Variants in AMBRA1 observed in about 807,000 individuals in gnomAD.
AMBRA1 encodes autophagy and beclin 1 regulator 1, also known as activating molecule in BECN1-regulated autophagy protein 1.
AMBRA1 carries 47 observed loss-of-function variants against 125.4 expected under a neutral mutation model. The observed-to-expected ratio is 0.37, with a 90% CI of 0.30 to 0.48. The LOEUF is 0.48. Ranked by LOEUF, AMBRA1 falls within the 20% of genes least tolerant of loss-of-function variation. AMBRA1 has a pLI of 0.99. For synonymous variants in AMBRA1, 626 were observed against 655.5 expected (o/e 0.95, Z 0.69); for missense variants, 1,331 against 1,693.4 (o/e 0.79, Z 3.76).
At chr11:46,408,475 T>C in intron 17 of AMBRA1, 38 bp downstream of exon 17, 1 of 1,473,538 alleles carries the variant, frequency 6.8e-7, no homozygotes, top group Non-Finnish European at 9.0e-7. Context: ...GGTCTTAGGG[T>C]CCCTCTCCCA....
chr11:46,485,273 T>G (rs1950227263), intron 11 of AMBRA1, among the ~76,000 whole-genome samples: 1 of 152,246 alleles, frequency 6.6e-6, no homozygotes, highest in Non-Finnish European at 1.5e-5. Flanking sequence ...TTCACTATAC[T>G]GTCTCTCAGA....
At chr11:46,483,521 T>G (rs1950153112) in intron 11 of AMBRA1, among the ~76,000 whole-genome samples, 1 of 152,180 alleles carries the variant, frequency 6.6e-6, no homozygotes, top group Non-Finnish European at 1.5e-5. Flanking sequence ...CCATGGCATT[T>G]CCAGCCAGGT....
At chr11:46,576,120 GAA>G (rs1283311370) in intron 1 of AMBRA1, among the ~76,000 whole-genome samples, 1 of 152,060 alleles carries the variant, frequency 6.6e-6, no homozygotes, top group Non-Finnish European at 1.5e-5. Flanking sequence ...ACACAGCTAA[GAA>G]AAGAGTCATT....
intron 1 of AMBRA1, among the ~76,000 whole-genome samples, chr11:46,580,549 C>T (rs910983882): frequency 6.6e-5 from 10 of 152,136 alleles, no homozygotes; most frequent in Admixed American, 5.9e-4. Flanking sequence ...ATGCTCAGGC[C>T]AAAAATCTGG....
chr11:46,423,681 G>A lies in AMBRA1; in HGVS notation c.2977-5629C>T, dbSNP rs1048586854. Among the ~76,000 whole-genome samples the A allele has an allele frequency of 1.6e-4, 24 of 151,562 alleles. 1 individual carries two copies. Among genetic ancestry groups the A allele is most frequent in the Admixed American group, 1.2e-3 (18 of 15,206 alleles). ...GCTGGGATTACAGGCGTGAGCCACCGTGCCCGGCCAATTTTTATTATTTTT... is the reference window on the plus strand; with the variant it reads ...GCTGGGATTACAGGCGTGAGCCACCATGCCCGGCCAATTTTTATTATTTTT... On this transcript the variant is annotated intron_variant, in intron 14 of 17. Transcript: ENST00000683756.
At position 46,397,478 on chromosome 11, in the gene AMBRA1, C is replaced by T; in HGVS notation, c.3869G>A (p.Gly1290Asp). ...DGGSSRGDAA[G>D]PRGEPRNR ...CCTGTTCCGTGGTTCTCCCCTAGGG[C>T]CTGCAGCGTCCCCCCTGCTGCTGCC... Residue 1290 changes from glycine to aspartate, a missense_variant, in exon 18 of 18, where the codon GGC becomes GAC. By Grantham distance (94) the Gly-to-Asp change is moderately conservative. Transcript: ENST00000683756. 1 of 1,520,222 alleles carries T rather than the reference C, an allele frequency of 6.6e-7. No individual in the cohort carries two copies. The highest frequency in any genetic ancestry group is 1.4e-5 in the African/African-American group (1 of 71,884). The allele number at this position is 1,520,222 out of a possible 1,614,324, so 94.2% of individuals were successfully genotyped here. A position where few individuals can be genotyped will look rare whatever the true frequency, so the allele number is the denominator to read the frequency against.
chr11:46,527,221 T>C (rs891122339), intron 7 of AMBRA1, among the ~76,000 whole-genome samples: 2 of 152,182 alleles, frequency 1.3e-5, no homozygotes, highest in African/African-American at 2.4e-5. Context: ...TGCTCACTCC[T>C]GTAATCCCTG....
At chr11:46,421,326 T>C (rs1329973026) in intron 14 of AMBRA1, among the ~76,000 whole-genome samples, 1 of 152,220 alleles carries the variant, frequency 6.6e-6, no homozygotes, top group Non-Finnish European at 1.5e-5. Context: ...GAAAGGGCAG[T>C]TCTCAAGTGC....
At chr11:46,556,357 G>C (rs1345960387) in intron 1 of AMBRA1, among the ~76,000 whole-genome samples, 2 of 152,180 alleles carry the variant, frequency 1.3e-5, no homozygotes, top group African/African-American at 4.8e-5. Context: ...GGGGTACAGA[G>C]AATGTGGGGA....
chr11:46,459,936 T>G, intron 11 of AMBRA1, among the ~76,000 whole-genome samples: 1 of 152,176 alleles, frequency 6.6e-6, no homozygotes, highest in South Asian at 2.1e-4. Flanking sequence ...GAGCCTCAGG[T>G]TCCCTCTTTT....
At chr11:46,427,303 T>G (rs1947189281) in intron 14 of AMBRA1, among the ~76,000 whole-genome samples, 1 of 152,230 alleles carries the variant, frequency 6.6e-6, no homozygotes, top group South Asian at 2.1e-4. Context: ...ATGGTTCATT[T>G]TAATGAACTT....
At chr11:46,493,840 C>A (rs1950545124) in intron 10 of AMBRA1, 132 bp from the exon 11 acceptor site, 2 of 710,402 alleles carry the variant, frequency 2.8e-6, no homozygotes, top group Admixed American at 3.0e-5. Context: ...TAAAATCTCC[C>A]AAGATTGGTC....
chr11:46,494,856 A>C (rs1590950072), intron 9 of AMBRA1: 3 of 152,334 alleles, frequency 2.0e-5, no homozygotes, highest in Admixed American at 1.3e-4. Flanking sequence ...GACTGTTAAC[A>C]GTCCATGCAA....
Position 46,542,366 on chromosome 11 carries a change from G to T in AMBRA1, c.1651C>A (p.Pro551Thr). Reference protein sequence around the residue: ...ERPGPSHQPTPHSSENNSNLS... With the variant: ...ERPGPSHQPTTHSSENNSNLS... ...TTGGAGTTGTTCTCACTGCTGTGTG[G>T]GGTGGGCTGGTGGGAAGGGCCTGGC... Residue 551 changes from proline to threonine, a missense_variant, in exon 7 of 18, where the codon CCA (proline) becomes ACA (threonine). Pro to Thr is a conservative substitution (Grantham distance 38, BLOSUM62 -1). Transcript: ENST00000683756. The surrounding 1 kb of genome is among the most constrained non-coding windows in gnomAD (Gnocchi z 5.9). The T allele has an allele frequency of 6.2e-7, 1 of 1,614,142 alleles. No individual in the cohort carries two copies. Among genetic ancestry groups the T allele is most frequent in the Non-Finnish European group, 8.5e-7 (1 of 1,180,040 alleles).
intron 15 of AMBRA1, among the ~76,000 whole-genome samples, chr11:46,410,819 T>C (rs922390576): frequency 2.0e-5 from 3 of 152,140 alleles, no homozygotes; most frequent in Non-Finnish European, 2.9e-5. Context: ...GCAGAGGCCT[T>C]GGCCAGGCGC....
chr11:46,417,933 G>A lies in AMBRA1; in HGVS notation c.3096C>T (p.Asp1032=), dbSNP rs763144529. Reference sequence around the variant, plus strand: ...CTTACTCTGGTCGGCAGATCACCAGGTCTCCTTTGTTAGTACCATAGGCCA... The same window carrying A: ...CTTACTCTGGTCGGCAGATCACCAGATCTCCTTTGTTAGTACCATAGGCCA... ...LGLAYGTNKG[D]LVICRPEALN... is the part of the protein sequence containing the mutation. The change falls in exon 15 of 18, where the codon GAC becomes GAT. Residue 1032 remains aspartate (D), a synonymous_variant. Transcript: ENST00000683756. 1 of 1,609,380 alleles carries A rather than the reference G, an allele frequency of 6.2e-7. No individual in the cohort carries two copies. The highest frequency in any genetic ancestry group is 8.5e-7 in the Non-Finnish European group (1 of 1,176,706).
intron 7 of AMBRA1, among the ~76,000 whole-genome samples, chr11:46,526,315 C>G (rs1204610107): frequency 1.3e-5 from 2 of 152,116 alleles, no homozygotes; most frequent in East Asian, 3.9e-4. Flanking sequence ...TCTTGGTATT[C>G]TCACCCTTGT....
At chr11:46,560,826 G>A (rs1291930734) in intron 1 of AMBRA1, among the ~76,000 whole-genome samples, 1 of 152,188 alleles carries the variant, frequency 6.6e-6, no homozygotes, top group Non-Finnish European at 1.5e-5. Context: ...AGTAGCTTCT[G>A]ATGGAAGAAA....
chr11:46,579,895 T>C (rs886650968), intron 1 of AMBRA1, among the ~76,000 whole-genome samples: 3 of 152,164 alleles, frequency 2.0e-5, no homozygotes, highest in Non-Finnish European at 4.4e-5. Context: ...GTATTTTTAG[T>C]AGAGACAGGG....
Sources: allele counts gnomAD v4.1 joint callset (sites outside exome capture counted in the v4.1 genomes callset), GRCh38; gene constraint gnomAD v4.1.1; non-coding constraint Gnocchi (gnomAD v3.1); transcripts MANE v1.5; gene names NCBI Gene and HGNC (gene_info 2026-07-23, HGNC 2026-07-21).